WWC1: variants seen among roughly 807,000 people sequenced by gnomAD.
WWC1 encodes protein KIBRA.
In WWC1, 55 loss-of-function variants were observed where a neutral mutation model predicts 138.4. That is an observed-to-expected ratio of 0.40 (90% confidence interval 0.32 to 0.50). The LOEUF is 0.50. WWC1 is among the 20% of genes least tolerant of loss of function. The probability of loss-of-function intolerance (pLI) is 0.72; values close to 1 mark genes in which losing one functional copy is unlikely to be tolerated. For missense variants in WWC1, 1,226 were observed against 1,420.4 expected, an observed-to-expected ratio of 0.86 and a Z score of 2.20; for synonymous variants, 524 against 564.9, an observed-to-expected ratio of 0.93 and a Z score of 1.03.
chr5:168,317,807 A>G (rs1771733348), intron 1 of WWC1, among the ~76,000 whole-genome samples: 1 of 152,192 alleles, frequency 6.6e-6, no homozygotes, highest in Non-Finnish European at 1.5e-5. Flanking sequence ...ATGTCCTTCC[A>G]GATGTCCTCA....
In WWC1 at chr5:168,462,242, G is replaced by GC. The variant is rs141668398; in HGVS notation, c.2916+1500_2916+1501insC. 4.6e-5 allele frequency among the ~76,000 whole-genome samples: 7 copies of GC among 151,778 alleles called. No individual in the cohort carries two copies. In the East Asian group the frequency reaches 7.8e-4, roughly 17 times the overall value. Reference sequence around the variant, plus strand: ...AACAAGTCTGAGGGGGAACTGGAGAGAGGAGAGAGACAGCAACACAGGGGA... The same window carrying GC: ...AACAAGTCTGAGGGGGAACTGGAGAGCAGGAGAGAGACAGCAACACAGGGGA... On this transcript the variant is annotated intron_variant, in intron 20 of 22. Transcript: ENST00000265293.
At chr5:168,326,611 T>C (rs951205442) in intron 1 of WWC1, among the ~76,000 whole-genome samples, 9 of 152,020 alleles carry the variant, frequency 5.9e-5, no homozygotes, top group Non-Finnish European at 1.3e-4. Flanking sequence ...CGATCTCAGC[T>C]CACTGCAACC....
At chr5:168,430,279 T>C in intron 14 of WWC1, 56 bp downstream of exon 14, 3 of 1,467,150 alleles carry the variant, frequency 2.0e-6, no homozygotes, top group East Asian at 2.4e-5. Context: ...GAGTTACCCC[T>C]GGGGGTCACT....
Position 168,292,365 on chromosome 5 carries a change from G to GGAGC in WWC1, c.119+95_119+98dup. On this transcript the variant is annotated intron_variant, in intron 1 of 22. Coordinates refer to ENST00000265293, the MANE Select transcript of WWC1 (RefSeq NM_015238.3). This position sits in a 1 kb window ranked among gnomAD's most constrained non-coding sequence, Gnocchi z 4.4. The stretch of plus-strand genomic sequence containing the variant: ...CCGGCCGGGACTGGGAGGGGGCAGG[G>GGAGC]GAGCTCTGCGTGCCTCTTGAGCTCT... The GGAGC allele has an allele frequency of 7.0e-7, 1 of 1,427,614 alleles. No individual in the cohort carries two copies. The highest frequency in any genetic ancestry group is 9.5e-7 in the Non-Finnish European group (1 of 1,055,164). The allele number at this position is 1,427,614 out of a possible 1,614,324, so 88.4% of individuals were successfully genotyped here. A position where few individuals can be genotyped will look rare whatever the true frequency, so the allele number is the denominator to read the frequency against.
intron 5 of WWC1, among the ~76,000 whole-genome samples, chr5:168,402,596 C>T (rs1310113870): frequency 5.3e-5 from 8 of 152,082 alleles, no homozygotes; most frequent in African/African-American, 1.2e-4. Flanking sequence ...AAGCACTTCA[C>T]GCCAGCCACC....
chr5:168,438,028 G>A (rs1280031150), intron 15 of WWC1, among the ~76,000 whole-genome samples: 2 of 152,176 alleles, frequency 1.3e-5, no homozygotes, highest in Non-Finnish European at 2.9e-5. Context: ...GGTGTCTGAA[G>A]TGTGCCAAGC....
At chr5:168,393,448 A>G (rs1039643697) in intron 3 of WWC1, among the ~76,000 whole-genome samples, 5 of 152,212 alleles carry the variant, frequency 3.3e-5, no homozygotes, top group African/African-American at 1.2e-4. Context: ...CTGGAAACCT[A>G]AAAGACCATG....
chr5:168,424,176 G>C, intron 11 of WWC1, 108 bp downstream of exon 11: 1 of 1,345,094 alleles, frequency 7.4e-7, no homozygotes, highest in Non-Finnish European at 1.0e-6. Context: ...GACTGCTTCT[G>C]TGTGCTGGGT....
At chr5:168,332,561 GA>G (rs1162828226) in intron 1 of WWC1, among the ~76,000 whole-genome samples, 1 of 152,152 alleles carries the variant, frequency 6.6e-6, no homozygotes, top group Non-Finnish European at 1.5e-5. Context: ...TGTACCTGCT[GA>G]TATGTCTGTG....
chr5:168,366,802 CTTTTTTTTT>C (rs202012790), intron 1 of WWC1, among the ~76,000 whole-genome samples: 172 of 100,558 alleles, frequency 1.7e-3, no homozygotes, highest in African/African-American at 4.1e-3. Context: ...CTTTGAAACA[CTTTTTTTTT>C]TTTTTTTTTT....
At chr5:168,356,378 G>C (rs1775420416) in intron 1 of WWC1, among the ~76,000 whole-genome samples, 1 of 152,236 alleles carries the variant, frequency 6.6e-6, no homozygotes, top group African/African-American at 2.4e-5. Context: ...CTGGGTCCCT[G>C]GGGTTCCAAA....
intron 1 of WWC1, among the ~76,000 whole-genome samples, chr5:168,322,542 A>G (rs1340797252): frequency 6.6e-6 from 1 of 152,244 alleles, no homozygotes; most frequent in African/African-American, 2.4e-5. Context: ...CAGGAGCCAC[A>G]TTTATCTTGT....
At chr5:168,297,190 A>G (rs923349038) in intron 1 of WWC1, among the ~76,000 whole-genome samples, 15 of 152,358 alleles carry the variant, frequency 9.8e-5, no homozygotes, top group African/African-American at 3.6e-4. Flanking sequence ...TGCAGGGGAC[A>G]CTGAGGAATG....
chr5:168,306,311 G>A (rs1360707623), intron 1 of WWC1, among the ~76,000 whole-genome samples: 2 of 152,164 alleles, frequency 1.3e-5, no homozygotes, highest in African/African-American at 4.8e-5. Context: ...CAGGGGAATC[G>A]CTTGAACCCA....
intron 1 of WWC1, among the ~76,000 whole-genome samples, chr5:168,359,914 TCAAAG>T: frequency 6.6e-6 from 1 of 152,198 alleles, no homozygotes; most frequent in African/African-American, 2.4e-5. Flanking sequence ...AAAAAGGGAC[TCAAAG>T]CTTGGCAATT....
chr5:168,418,135 C>T (rs1780794002), intron 9 of WWC1, among the ~76,000 whole-genome samples: 1 of 152,208 alleles, frequency 6.6e-6, no homozygotes, highest in Non-Finnish European at 1.5e-5. Flanking sequence ...ACACAACAGC[C>T]TCACATTCAA....
rs146101333 is a variant in WWC1 at position 168,374,121 on chromosome 5, C to T, written c.229+2588C>T. ...AACAATTCGCTCATACATTCACCAT[C>T]GAGCATTCATTCATTTAGCAAATGT... On this transcript the variant is annotated intron_variant, in intron 2 of 22. Transcript: ENST00000265293. Among the ~76,000 whole-genome samples the T allele has an allele frequency of 8.2e-3, 1,237 of 151,744 alleles. 4 individuals carry two copies. Among genetic ancestry groups the T allele is most frequent in the Non-Finnish European group, 0.013 (866 of 67,980 alleles).
At chr5:168,365,928 G>A (rs1033871724) in intron 1 of WWC1, among the ~76,000 whole-genome samples, 5 of 152,258 alleles carry the variant, frequency 3.3e-5, no homozygotes, top group Admixed American at 1.3e-4. Flanking sequence ...TGTGGAGGCT[G>A]GAAGCAGGGA....
chr5:168,312,085 G>A (rs1201991838), intron 1 of WWC1, among the ~76,000 whole-genome samples: 1 of 151,732 alleles, frequency 6.6e-6, no homozygotes, highest in Non-Finnish European at 1.5e-5. Flanking sequence ...AGGCATTGTG[G>A]TGCATGCCTG....
Sources: gnomAD v4.1 joint callset for allele counts (sites outside exome capture counted in the v4.1 genomes callset) on GRCh38, gnomAD v4.1.1 for gene constraint, Gnocchi (gnomAD v3.1) non-coding constraint, MANE v1.5 for transcripts, NCBI Gene and HGNC (gene_info 2026-07-23, HGNC 2026-07-21) for gene names.